Variants in CRY2 observed in about 807,000 individuals in gnomAD.
The protein encoded by CRY2 is cryptochrome-2.
Under a neutral mutation model 69.5 loss-of-function variants are expected in CRY2, and 31 were observed. That is an observed-to-expected ratio of 0.45 (90% CI 0.34 to 0.60). The LOEUF is 0.60. Ranked by LOEUF, CRY2 falls within the 20% of genes least tolerant of loss-of-function variation. The pLI is 0.02. For missense variants in CRY2, 606 were observed against 797.8 expected (o/e 0.76, Z 2.90); for synonymous variants, 303 against 312.2 (o/e 0.97, Z 0.31).
chr11:45,863,002 G>A (rs2086300442), intron 5 of CRY2, among the ~76,000 whole-genome samples: 1 of 152,226 alleles, frequency 6.6e-6, no homozygotes, highest in South Asian at 2.1e-4. Context: ...TTGCCTAGCA[G>A]CCAGATGATG....
At chr11:45,851,925 C>T (rs931548465) in intron 1 of CRY2, among the ~76,000 whole-genome samples, 1 of 152,164 alleles carries the variant, frequency 6.6e-6, no homozygotes, top group Non-Finnish European at 1.5e-5. Flanking sequence ...CTCCCTCCCC[C>T]CATTAACAAC....
chr11:45,868,189 C>T (rs576602702), intron 6 of CRY2, among the ~76,000 whole-genome samples: 1 of 152,088 alleles, frequency 6.6e-6, no homozygotes, highest in African/African-American at 2.4e-5. Context: ...CAGCAGTTGC[C>T]CATCAGTGAT....
chr11:45,861,184 G>T, intron 4 of CRY2, 152 bp downstream of exon 4: 1 of 749,418 alleles, frequency 1.3e-6, no homozygotes. Flanking sequence ...ACCACCCAGA[G>T]GTAACCACAA....
chr11:45,855,481 G>C (rs1193938967), intron 1 of CRY2, among the ~76,000 whole-genome samples: 1 of 152,186 alleles, frequency 6.6e-6, no homozygotes, highest in East Asian at 1.9e-4. Flanking sequence ...TGGCTTTTCA[G>C]ATGGCTCCCA....
chr11:45,864,347 G>C (rs866079521), intron 5 of CRY2, among the ~76,000 whole-genome samples: 1 of 152,194 alleles, frequency 6.6e-6, no homozygotes, highest in Non-Finnish European at 1.5e-5. Flanking sequence ...TTAAGGCCAG[G>C]CACAGTGACT....
At chr11:45,862,175 C>G (rs1241967432) in intron 5 of CRY2, 27 bp downstream of exon 5, 1 of 1,595,402 alleles carries the variant, frequency 6.3e-7, no homozygotes, top group Admixed American at 1.7e-5. Flanking sequence ...AGACACAGAG[C>G]TGCAGATACT....
chr11:45,847,203 G>C (rs891896386), upstream of CRY2: 2 of 1,549,420 alleles, frequency 1.3e-6, no homozygotes, highest in Non-Finnish European at 1.7e-6. Context: ...GGCACTCCGC[G>C]GACAGCCCCA....
At chr11:45,875,531 C>T (rs1372675695) in intron 11 of CRY2, among the ~76,000 whole-genome samples, 2 of 152,078 alleles carry the variant, frequency 1.3e-5, no homozygotes, top group Non-Finnish European at 2.9e-5. Context: ...GGTAAATGCC[C>T]GTCTCTTGCC....
intron 3 of CRY2, 112 bp from the exon 4 acceptor site, chr11:45,860,736 G>A (rs1201804268): frequency 8.3e-7 from 1 of 1,200,042 alleles, no homozygotes; most frequent in Admixed American, 2.2e-5. Context: ...CCTGTGAGTG[G>A]ATGAGGAAAG....
chr11:45,870,194 G>C lies in CRY2; in HGVS notation c.1336G>C (p.Asp446His). 1.2e-6 allele frequency: 2 copies of C among 1,612,518 alleles called. No individual in the cohort carries two copies. Among genetic ancestry groups the C allele is most frequent in the South Asian group, 2.2e-5 (2 of 90,962 alleles). ...TGGCCGTCGCACGGACCCCAGTGGG[G>C]ACTACATCAGGTGAGGATACAGACC... ...GFGRRTDPSG[D>H]YIRRYLPKLK... The change falls in exon 8 of 12, where the codon GAC (aspartate) becomes CAC (histidine). Residue 446 changes from aspartate to histidine, a missense_variant. Coordinates refer to ENST00000616080, the MANE Select transcript of CRY2 (RefSeq NM_021117.5).
rs1422406549 is a variant in CRY2, at chr11:45,860,589, C to T, written c.468-259C>T. 4.6e-5 allele frequency among the ~76,000 whole-genome samples: 7 copies of T among 152,020 alleles called. No homozygotes were observed. In the East Asian group the frequency reaches 5.8e-4, roughly 13 times the overall value. On this transcript the variant is annotated intron_variant, in intron 3 of 11. Coordinates refer to ENST00000616080, the MANE Select transcript of CRY2 (RefSeq NM_021117.5). The stretch of plus-strand genomic sequence containing the variant: ...GGCTCTGCGTCAACACCAGGGAGCC[C>T]GGAATTGAGTCCCAGCTCTGGCCCT...
rs748062985 is a variant in CRY2, at chr11:45,858,615, T to C, written c.325-116T>C. On this transcript the variant is annotated intron_variant, in intron 2 of 11. Coordinates refer to ENST00000616080, the MANE Select transcript of CRY2 (RefSeq NM_021117.5). ...AATCCCTGTTCCTAGTTTTTTCTGCTGCCCATCAGATAGGTCTCTAGACTA... is the reference window on the plus strand; with the variant it reads ...AATCCCTGTTCCTAGTTTTTTCTGCCGCCCATCAGATAGGTCTCTAGACTA... The C allele has an allele frequency of 2.4e-4, 273 of 1,141,276 alleles. 1 individual carries two copies. Among genetic ancestry groups the C allele is most frequent in the Non-Finnish European group, 3.1e-4 (261 of 834,662 alleles). 70.7% of individuals were successfully genotyped at this position (1,141,276 alleles called of 1,614,324 possible).
chr11:45,849,345 A>C (rs2086176277), intron 1 of CRY2, among the ~76,000 whole-genome samples: 1 of 152,214 alleles, frequency 6.6e-6, no homozygotes, highest in Non-Finnish European at 1.5e-5. Flanking sequence ...GTAAGAATGC[A>C]GATATTAATT....
In CRY2 at chr11:45,850,011, T is replaced by G. The variant is rs559051516; in HGVS notation, c.215+2306T>G. Among the ~76,000 whole-genome samples the G allele has an allele frequency of 1.5e-3, 222 of 150,766 alleles. 2 individuals carry two copies. Among genetic ancestry groups the G allele is most frequent in the African/African-American group, 5.2e-3 (212 of 41,070 alleles). On this transcript the variant is annotated intron_variant, in intron 1 of 11. Coordinates refer to ENST00000616080, the MANE Select transcript of CRY2 (RefSeq NM_021117.5). Reference sequence around the variant, plus strand: ...TTTTTGTTTTGTTTTGTTTTTTGTTTTTTTTTTTTTTTGAGACGGGGTCCT... The same window carrying G: ...TTTTTGTTTTGTTTTGTTTTTTGTTGTTTTTTTTTTTTGAGACGGGGTCCT...
At chr11:45,851,126 G>T (rs1037508023) in intron 1 of CRY2, among the ~76,000 whole-genome samples, 3 of 151,704 alleles carry the variant, frequency 2.0e-5, no homozygotes, top group Admixed American at 6.6e-5. Context: ...AGGAGGTACT[G>T]CAGCAAGAAG....
At chr11:45,880,064 G>T (rs113677005) in intron 11 of CRY2, among the ~76,000 whole-genome samples, 4,188 of 152,272 alleles carry the variant, frequency 0.028, 71 homozygotes, top group South Asian at 0.04. Flanking sequence ...GGTACTGGGG[G>T]TTAGGACTTC....
chr11:45,855,333 G>A (rs1381827138), intron 1 of CRY2, among the ~76,000 whole-genome samples: 1 of 152,242 alleles, frequency 6.6e-6, no homozygotes, highest in South Asian at 2.1e-4. Flanking sequence ...GGCTGTGGCA[G>A]CAGAAATACG....
At chr11:45,877,424 C>T (rs2086432203) in intron 11 of CRY2, among the ~76,000 whole-genome samples, 1 of 152,234 alleles carries the variant, frequency 6.6e-6, no homozygotes. Context: ...CGTGCATCCA[C>T]CCCTCCAGGG....
rs1006685727 is a variant in CRY2, at chr11:45,882,445, C to T, written c.*1534C>T. 1 of 396,916 alleles carries T rather than the reference C, an allele frequency of 2.5e-6. No individual in the cohort carries two copies. Among genetic ancestry groups the T allele is most frequent in the African/African-American group, 2.1e-5 (1 of 48,622 alleles). 24.6% of individuals were successfully genotyped at this position (396,916 alleles called of 1,614,324 possible). A position where few individuals can be genotyped will look rare whatever the true frequency, so the allele number is the denominator to read the frequency against. On this transcript the variant is annotated 3_prime_UTR_variant, in exon 12 of 12. Transcript: ENST00000616080. ...AATTCTTTTGGCCCCAGCCCTGTCC[C>T]TCACTGTCCTCTGTCCTTGGACCAG...
Sources: gnomAD v4.1 joint callset for allele counts (sites outside exome capture counted in the v4.1 genomes callset) on GRCh38, gnomAD v4.1.1 for gene constraint, MANE v1.5 for transcripts, NCBI Gene and HGNC (gene_info 2026-07-23, HGNC 2026-07-21) for gene names.